The following DDX10 variants were observed in gnomAD, a reference collection of about 807,000 sequenced individuals.
The protein encoded by DDX10 is DEAD-box helicase 10.
Under a neutral mutation model 104.3 loss-of-function variants are expected in DDX10, and 74 were observed. That is an observed-to-expected ratio of 0.71 (90% CI 0.59 to 0.86). The LOEUF (loss-of-function observed/expected upper bound fraction) is 0.86. Among genes scored for constraint, DDX10 ranks in the 40% least tolerant of loss-of-function variants. DDX10 has a pLI of 0.00. For missense variants in DDX10, 952 were observed against 1,040.0 expected (o/e 0.92, Z 1.16); for synonymous variants, 351 against 353.4 (o/e 0.99, Z 0.08).
At chr11:108,669,986 A>C (rs1174483822) in intron 1 of DDX10, among the ~76,000 whole-genome samples, 1 of 152,206 alleles carries the variant, frequency 6.6e-6, no homozygotes, top group East Asian at 1.9e-4. Context: ...CCTATTGTGG[A>C]CTTTTGACCT....
rs191770532 is a variant in DDX10, at chr11:108,716,909, A to G, written c.1410+943A>G. ...CTCACATACTTGTGGTGAGAAATCT[A>G]TTTTAGTTAAACTTTTTTTTTTTTA... On this transcript the variant is annotated intron_variant, in intron 11 of 17. Transcript: ENST00000322536. 7.9e-5 allele frequency among the ~76,000 whole-genome samples: 12 copies of G among 152,220 alleles called. No homozygotes were observed. The East Asian group carries it at 2.1e-3, about 27-fold the overall frequency.
chr11:108,806,763 G>C (rs1862107104), intron 13 of DDX10, among the ~76,000 whole-genome samples: 1 of 152,170 alleles, frequency 6.6e-6, no homozygotes, highest in Non-Finnish European at 1.5e-5. Flanking sequence ...AGCCATCTAA[G>C]AGGTGGGGAA....
Position 108,940,458 on chromosome 11 carries a change from G to T in DDX10, c.*35G>T. On this transcript the variant is annotated 3_prime_UTR_variant, in exon 18 of 18. Coordinates refer to ENST00000322536, the MANE Select transcript of DDX10 (RefSeq NM_004398.4). ...GCGCCTGCCTTCTCCTTGAAACCTT[G>T]GTTATGACTGCGTAGGCAAGAAGTT... The T allele has an allele frequency of 1.2e-6, 2 of 1,602,952 alleles. No homozygotes were observed. The highest frequency in any genetic ancestry group is 1.3e-5 in the African/African-American group (1 of 74,558).
chr11:108,899,211 A>G (rs1011255271), intron 16 of DDX10, among the ~76,000 whole-genome samples: 2 of 150,876 alleles, frequency 1.3e-5, no homozygotes, highest in African/African-American at 4.9e-5. Context: ...TTCTGGAACT[A>G]TCTTTATTGG....
intron 1 of DDX10, 61 bp downstream of exon 1, chr11:108,665,400 G>C: frequency 6.7e-7 from 1 of 1,489,646 alleles, no homozygotes; most frequent in South Asian, 1.4e-5. Flanking sequence ...GTCTCACTGC[G>C]GCGAGGAGTT....
At chr11:108,721,057 G>A (rs1194808970) in intron 12 of DDX10, among the ~76,000 whole-genome samples, 1 of 152,154 alleles carries the variant, frequency 6.6e-6, no homozygotes. Flanking sequence ...AGACTATGGT[G>A]AAATATGTGA....
intron 10 of DDX10, among the ~76,000 whole-genome samples, chr11:108,711,006 C>T (rs2094283629): frequency 1.3e-5 from 2 of 152,188 alleles, no homozygotes; most frequent in African/African-American, 4.8e-5. Flanking sequence ...CTCAAGCAGT[C>T]CTCCTGCCTT....
At chr11:108,876,981 A>G (rs538961174) in intron 16 of DDX10, among the ~76,000 whole-genome samples, 3 of 152,210 alleles carry the variant, frequency 2.0e-5, no homozygotes, top group Admixed American at 2.0e-4. Context: ...AGTCCAGCTG[A>G]CCTCCCAAAC....
At chr11:108,723,622 G>T (rs2094301614) in intron 13 of DDX10, among the ~76,000 whole-genome samples, 160 bp downstream of exon 13, 1 of 152,140 alleles carries the variant, frequency 6.6e-6, no homozygotes, top group Non-Finnish European at 1.5e-5. Flanking sequence ...CACAGAATAA[G>T]TGCCAATGAA....
intron 16 of DDX10, among the ~76,000 whole-genome samples, chr11:108,883,256 T>TA (rs1863250604): frequency 6.6e-6 from 1 of 152,144 alleles, no homozygotes; most frequent in Non-Finnish European, 1.5e-5. Context: ...GAAGTTATAT[T>TA]AAAAAAATCA....
chr11:108,813,651 CTAA>C (rs542561248), intron 13 of DDX10, among the ~76,000 whole-genome samples: 2 of 152,044 alleles, frequency 1.3e-5, no homozygotes, highest in Non-Finnish European at 2.9e-5. Context: ...CTTCACTACT[CTAA>C]TGTTATAAAA....
At position 108,940,821 on chromosome 11, in the gene DDX10, C is replaced by T. The variant is rs915559945; in HGVS notation, c.*398C>T. 5.8e-5 allele frequency: 13 copies of T among 223,984 alleles called. No homozygotes were observed. The highest frequency in any genetic ancestry group is 1.8e-4 in the South Asian group (1 of 5,592). The allele number at this position is 223,984 out of a possible 1,614,324, so 13.9% of individuals were successfully genotyped here. A position where few individuals can be genotyped will look rare whatever the true frequency, so the allele number is the denominator to read the frequency against. On this transcript the variant is annotated 3_prime_UTR_variant, in exon 18 of 18. Transcript: ENST00000322536. Reference sequence around the variant, plus strand: ...TTGCTGTTAAAATTGCTCATGATTTCGACGTATTTAATATTTTCAAAGAGA... The same window carrying T: ...TTGCTGTTAAAATTGCTCATGATTTTGACGTATTTAATATTTTCAAAGAGA...
intron 16 of DDX10, among the ~76,000 whole-genome samples, chr11:108,856,274 A>ACTT (rs1253206936): frequency 6.6e-6 from 1 of 152,154 alleles, no homozygotes; most frequent in Admixed American, 6.5e-5. Context: ...TACTAAAAAT[A>ACTT]CAGAAATTAG....
intron 16 of DDX10, among the ~76,000 whole-genome samples, chr11:108,867,459 T>C (rs889507907): frequency 6.6e-6 from 1 of 152,188 alleles, no homozygotes; most frequent in Admixed American, 6.5e-5. Context: ...AAAATTGAGA[T>C]CTAGTCTCAT....
intron 13 of DDX10, chr11:108,822,615 A>G: frequency 6.1e-6 from 1 of 164,698 alleles, no homozygotes; most frequent in Non-Finnish European, 1.3e-5. Flanking sequence ...CACACTTCTG[A>G]ACAAAAATCT....
rs1435210260 is a variant in DDX10 at position 108,918,019 on chromosome 11, G to A, written c.2450+1G>A. 6.2e-7 allele frequency: 1 copy of A among 1,612,836 alleles called. No individual in the cohort carries two copies. Among genetic ancestry groups the A allele is most frequent in the Non-Finnish European group, 8.5e-7 (1 of 1,179,216 alleles). On this transcript the variant is annotated splice_donor_variant, in intron 17 of 17. Coordinates refer to ENST00000322536, the MANE Select transcript of DDX10 (RefSeq NM_004398.4). LOFTEE classifies it high-confidence loss of function. ...GTGAAGATATGGAAAATAAAATAAG[G>A]TATGTTTTTACTATGGGTATGAAAT... is the stretch of plus-strand genomic sequence containing the variant.
intron 14 of DDX10, among the ~76,000 whole-genome samples, chr11:108,839,746 G>C (rs982334110): frequency 4.6e-5 from 7 of 152,134 alleles, no homozygotes; most frequent in Admixed American, 3.9e-4. Flanking sequence ...AAGAGGAAGC[G>C]TATCTAAATG....
chr11:108,842,639 C>T (rs1410759526), intron 15 of DDX10, among the ~76,000 whole-genome samples: 1 of 152,144 alleles, frequency 6.6e-6, no homozygotes, highest in Non-Finnish European at 1.5e-5. Context: ...ACAGATGAAC[C>T]TGAAACGTAC....
chr11:108,747,737 C>T (rs1483460146), intron 13 of DDX10, among the ~76,000 whole-genome samples: 2 of 152,102 alleles, frequency 1.3e-5, no homozygotes, highest in African/African-American at 2.4e-5. Context: ...CAAATCCATC[C>T]TCCAACATAG....
Sources: gnomAD v4.1 joint callset for allele counts (sites outside exome capture counted in the v4.1 genomes callset) on GRCh38, gnomAD v4.1.1 for gene constraint, MANE v1.5 for transcripts, NCBI Gene and HGNC (gene_info 2026-07-23, HGNC 2026-07-21) for gene names.